The following CTNNA3 variants were observed in gnomAD, a reference collection of about 807,000 sequenced individuals.
CTNNA3 encodes the protein catenin alpha 3, also known as catenin alpha-3.
In CTNNA3, 76 loss-of-function variants were observed where a neutral mutation model predicts 95.7. The observed-to-expected ratio is 0.79, with a 90% CI of 0.66 to 0.96. CTNNA3 has a LOEUF of 0.96. Ranked by LOEUF, CTNNA3 falls within the 40% of genes least tolerant of loss-of-function variation. The pLI, the probability that CTNNA3 is intolerant of heterozygous loss-of-function variation, is 0.00. For synonymous variants in CTNNA3, 431 were observed against 374.4 expected, an observed-to-expected ratio of 1.15 and a Z score of -1.74; for missense variants, 1,191 against 1,089.8, an observed-to-expected ratio of 1.09 and a Z score of -1.31.
chr10:67,231,055 A>G (rs943685276), intron 5 of CTNNA3, among the ~76,000 whole-genome samples: 8 of 152,252 alleles, frequency 5.3e-5, no homozygotes, highest in African/African-American at 1.4e-4. Context: ...TTGCTAGCAC[A>G]GCAGTCTGAG....
At chr10:67,021,321 G>A (rs10822961) in intron 7 of CTNNA3, among the ~76,000 whole-genome samples, 137,245 of 152,156 alleles carry the variant, frequency 0.9, 62,323 homozygotes, top group South Asian at 0.97. Context: ...ATAATTGTGA[G>A]GTTAAAATGT....
intron 12 of CTNNA3, among the ~76,000 whole-genome samples, chr10:66,366,738 A>C (rs1444884361): frequency 6.6e-6 from 1 of 152,154 alleles, no homozygotes; most frequent in Non-Finnish European, 1.5e-5. Context: ...GAGATGGTCT[A>C]ATTATAAAAG....
chr10:67,605,869 C>T (rs1329147621), intron 3 of CTNNA3, among the ~76,000 whole-genome samples: 1 of 152,128 alleles, frequency 6.6e-6, no homozygotes, highest in Admixed American at 6.5e-5. Context: ...TGGGGTTTCA[C>T]CATGTTGGCC....
At chr10:66,611,321 G>T (rs1195199389) in intron 10 of CTNNA3, among the ~76,000 whole-genome samples, 1 of 152,024 alleles carries the variant, frequency 6.6e-6, no homozygotes, top group African/African-American at 2.4e-5. Flanking sequence ...AATATTTGAG[G>T]TGTTGGATAT....
rs568796261 is a variant in CTNNA3 at position 65,989,053 on chromosome 10, G to C, written c.2160-256C>G. Among the ~76,000 whole-genome samples the C allele has an allele frequency of 2.0e-5, 3 of 152,222 alleles. No individual in the cohort carries two copies. The East Asian group carries it at 5.8e-4, about 29-fold the overall frequency. On this transcript the variant is annotated intron_variant, in intron 15 of 17. Transcript: ENST00000433211. ...CTTCTCGGGTTCAAGCGATTCTCCA[G>C]TCTTAGCCCCCCGAAGAGCTGGGAC... is the stretch of plus-strand genomic sequence containing the variant.
chr10:67,011,138 G>A (rs1225411842), intron 7 of CTNNA3, among the ~76,000 whole-genome samples: 1 of 152,018 alleles, frequency 6.6e-6, no homozygotes, highest in Admixed American at 6.6e-5. Flanking sequence ...GACCATCCTG[G>A]CTAACACGGT....
intron 3 of CTNNA3, among the ~76,000 whole-genome samples, chr10:67,583,134 G>A (rs1482896460): frequency 6.6e-6 from 1 of 152,042 alleles, no homozygotes; most frequent in African/African-American, 2.4e-5. Context: ...CTCATTAGTT[G>A]ATGCAGTTTC....
chr10:67,097,562 CTT>C (rs760633975), intron 7 of CTNNA3: 14 of 1,602,638 alleles, frequency 8.7e-6, no homozygotes, highest in Non-Finnish European at 8.5e-7. Flanking sequence ...TTATAACTGA[CTT>C]TTCTCATGTC....
intron 9 of CTNNA3, among the ~76,000 whole-genome samples, chr10:66,692,507 G>C (rs1355873698): frequency 2.0e-5 from 3 of 152,092 alleles, no homozygotes; most frequent in African/African-American, 4.8e-5. Context: ...GAAAGTGACG[G>C]GGAGAATGGA....
At chr10:66,419,194 C>T (rs893415134) in intron 11 of CTNNA3, among the ~76,000 whole-genome samples, 10 of 151,940 alleles carry the variant, frequency 6.6e-5, no homozygotes, top group African/African-American at 2.4e-4. Flanking sequence ...ACAAAATCAA[C>T]ATTTTTTTAA....
At chr10:67,654,151 AC>A (rs1235618537) in intron 1 of CTNNA3, among the ~76,000 whole-genome samples, 1 of 152,088 alleles carries the variant, frequency 6.6e-6, no homozygotes, top group African/African-American at 2.4e-5. Flanking sequence ...GGTGAGCTCC[AC>A]CTCCACCACC....
intron 11 of CTNNA3, among the ~76,000 whole-genome samples, chr10:66,428,323 T>G (rs2093262222): frequency 1.3e-5 from 2 of 152,128 alleles, no homozygotes; most frequent in African/African-American, 2.4e-5. Flanking sequence ...AACATCCCAT[T>G]GTCAACATTA....
At chr10:66,877,932 T>C (rs7904145) in intron 7 of CTNNA3, among the ~76,000 whole-genome samples, 136,092 of 152,152 alleles carry the variant, frequency 0.89, 61,143 homozygotes, top group East Asian at 0.99. Context: ...AAGTCTAAAC[T>C]GTTAAAGTCG....
intron 5 of CTNNA3, among the ~76,000 whole-genome samples, chr10:67,352,529 A>T (rs554035371): frequency 6.8e-6 from 1 of 148,088 alleles, no homozygotes; most frequent in Admixed American, 6.8e-5. Flanking sequence ...GCAAAAGAAT[A>T]AAAAAAAAAG....
At chr10:67,352,865 AG>A (rs377099195) in intron 5 of CTNNA3, among the ~76,000 whole-genome samples, 1 of 152,120 alleles carries the variant, frequency 6.6e-6, no homozygotes, top group East Asian at 1.9e-4. Context: ...TATCCGTCAC[AG>A]AAAGTAGCAT....
intron 13 of CTNNA3, among the ~76,000 whole-genome samples, chr10:66,220,275 A>G (rs974791734): frequency 6.6e-6 from 1 of 152,232 alleles, no homozygotes; most frequent in African/African-American, 2.4e-5. Flanking sequence ...GAAAGGCATA[A>G]GTGAACTGTG....
chr10:67,216,909 C>G (rs1589876249), intron 6 of CTNNA3, among the ~76,000 whole-genome samples: 1 of 152,184 alleles, frequency 6.6e-6, no homozygotes, highest in East Asian at 1.9e-4. Flanking sequence ...AGCTCTCATT[C>G]AGCCACAAAT....
intron 5 of CTNNA3, among the ~76,000 whole-genome samples, chr10:67,318,831 C>T (rs750486013): frequency 6.6e-6 from 1 of 152,194 alleles, no homozygotes; most frequent in Non-Finnish European, 1.5e-5. Context: ...AAATTATTTT[C>T]CCCAATGCAC....
At chr10:66,085,336 C>T (rs1186154319) in intron 14 of CTNNA3, among the ~76,000 whole-genome samples, 1 of 152,030 alleles carries the variant, frequency 6.6e-6, no homozygotes, top group African/African-American at 2.4e-5. Flanking sequence ...TGAGAAGGCA[C>T]TGAGGTAGAA....
Sources: gnomAD v4.1 joint callset for allele counts (sites outside exome capture counted in the v4.1 genomes callset) on GRCh38, gnomAD v4.1.1 for gene constraint, MANE v1.5 for transcripts, NCBI Gene and HGNC (gene_info 2026-07-23, HGNC 2026-07-21) for gene names.